Variants in TXNDC16 observed in about 807,000 individuals in gnomAD.
TXNDC16 encodes the protein thioredoxin domain-containing protein 16.
Under a neutral mutation model 85.6 loss-of-function variants are expected in TXNDC16, and 74 were observed. The observed-to-expected ratio is 0.86, with a 90% CI of 0.72 to 1.05. The LOEUF (loss-of-function observed/expected upper bound fraction) is 1.05. Ranked by LOEUF, TXNDC16 falls within the 50% of genes least tolerant of loss-of-function variation. The pLI, the probability that TXNDC16 is intolerant of heterozygous loss-of-function variation, is 0.00. For missense variants in TXNDC16, 959 were observed against 947.0 expected, an observed-to-expected ratio of 1.01 and a Z score of -0.17; for synonymous variants, 335 against 326.5, an observed-to-expected ratio of 1.03 and a Z score of -0.28.
At chr14:52,463,014 G>T in intron 16 of TXNDC16, 1 of 453,906 alleles carries the variant, frequency 2.2e-6, no homozygotes, top group South Asian at 1.6e-5. Flanking sequence ...GAACACAAAA[G>T]TCCCTGCAAA....
intron 6 of TXNDC16, among the ~76,000 whole-genome samples, chr14:52,534,576 A>G (rs2140219555): frequency 6.6e-6 from 1 of 152,178 alleles, no homozygotes; most frequent in Middle Eastern, 3.4e-3. Flanking sequence ...TTCTTCACCA[A>G]GCACTTACCC....
rs2035875841 is a variant in TXNDC16, at chr14:52,470,283, T to C, written c.1482-110A>G. ...CAATATATTACATAGGATAATATCT[T>C]ACAAAATATAGAAAATTAAATATTA... On this transcript the variant is annotated intron_variant, in intron 15 of 20. Coordinates refer to ENST00000281741, the MANE Select transcript of TXNDC16 (RefSeq NM_020784.3). 6 of 934,618 alleles carry C rather than the reference T, an allele frequency of 6.4e-6. No homozygotes were observed. The South Asian group carries it at 1.5e-4, about 23-fold the overall frequency. 57.9% of individuals were successfully genotyped at this position (934,618 alleles called of 1,614,324 possible).
intron 1 of TXNDC16, among the ~76,000 whole-genome samples, chr14:52,544,921 T>G (rs1301381191): frequency 2.0e-5 from 3 of 152,122 alleles, no homozygotes; most frequent in Non-Finnish European, 4.4e-5. Flanking sequence ...TTAAAATTGA[T>G]TATACATTAT....
intron 6 of TXNDC16, among the ~76,000 whole-genome samples, chr14:52,530,120 A>G (rs1310616111): frequency 2.1e-4 from 20 of 93,210 alleles, no homozygotes; most frequent in Non-Finnish European, 3.5e-4. Flanking sequence ...TATTATATAT[A>G]TTTACATATT....
At chr14:52,503,147 G>T (rs865905332) in intron 9 of TXNDC16, among the ~76,000 whole-genome samples, 1 of 152,208 alleles carries the variant, frequency 6.6e-6, no homozygotes, top group Non-Finnish European at 1.5e-5. Context: ...CTCCACCTCT[G>T]GGGGCAGGAC....
intron 4 of TXNDC16, among the ~76,000 whole-genome samples, chr14:52,541,538 T>C (rs571418074): frequency 7.2e-5 from 11 of 152,306 alleles, no homozygotes; most frequent in Non-Finnish European, 1.0e-4. Flanking sequence ...ATTTAAAAAA[T>C]AGATATTTTT....
At chr14:52,518,892 C>A (rs931859958) in intron 7 of TXNDC16, among the ~76,000 whole-genome samples, 1 of 151,986 alleles carries the variant, frequency 6.6e-6, no homozygotes, top group Non-Finnish European at 1.5e-5. Context: ...CAGGTAGGCA[C>A]AATTTATTTT....
intron 1 of TXNDC16, among the ~76,000 whole-genome samples, chr14:52,544,646 C>T (rs758911887): frequency 2.0e-5 from 3 of 151,670 alleles, no homozygotes; most frequent in African/African-American, 7.3e-5. Flanking sequence ...ATTTACTCTG[C>T]TCATTCAATA....
At chr14:52,451,714 T>C (rs776408109) in intron 18 of TXNDC16, among the ~76,000 whole-genome samples, 4 of 152,182 alleles carry the variant, frequency 2.6e-5, no homozygotes, top group East Asian at 1.9e-4. Context: ...CAAAGCCATA[T>C]ATGCCATAGC....
Position 52,468,863 on chromosome 14 carries a change from C to T in TXNDC16, c.1618+1174G>A, listed in dbSNP as rs534207454. On this transcript the variant is annotated intron_variant, in intron 16 of 20. Transcript: ENST00000281741. ...CTGTACTCCAACCTGGGCAATAGGG[C>T]GAGACCCTGTCTCAAAAAAAAAAAC... Among the ~76,000 whole-genome samples the T allele has an allele frequency of 7.3e-5, 11 of 150,230 alleles. No homozygotes were observed. In the South Asian group the frequency reaches 2.1e-3, roughly 29 times the overall value.
chr14:52,488,283 A>C (rs1479841951), intron 12 of TXNDC16, 80 bp downstream of exon 12: 2 of 1,533,166 alleles, frequency 1.3e-6, no homozygotes, highest in African/African-American at 2.8e-5. Context: ...ATTCTTGGAG[A>C]AAGTTAATCC....
At chr14:52,523,341 C>T (rs1199686236) in intron 6 of TXNDC16, among the ~76,000 whole-genome samples, 1 of 152,112 alleles carries the variant, frequency 6.6e-6, no homozygotes, top group Non-Finnish European at 1.5e-5. Flanking sequence ...GAGTGGGTGT[C>T]AGAAAGAAAA....
intron 9 of TXNDC16, among the ~76,000 whole-genome samples, chr14:52,505,821 G>A (rs376807796): frequency 1.6e-4 from 25 of 152,048 alleles, no homozygotes; most frequent in South Asian, 8.3e-4. Context: ...CTGATAGACC[G>A]CTAGCAAGAC....
Position 52,464,865 on chromosome 14 carries a change from G to A in TXNDC16, c.1618+5172C>T, listed in dbSNP as rs112354551. Among the ~76,000 whole-genome samples, 70 of 152,208 alleles carry A rather than the reference G, an allele frequency of 4.6e-4. 1 individual carries two copies. Among genetic ancestry groups the A allele is most frequent in the African/African-American group, 1.6e-3 (66 of 41,530 alleles). On this transcript the variant is annotated intron_variant, in intron 16 of 20. Transcript: ENST00000281741. Reference sequence around the variant, plus strand: ...GAGGCATGAAAACTGCATGAACCTGGGAGGTGGAGGTTGCAGTGAGCCAAC... The same window carrying A: ...GAGGCATGAAAACTGCATGAACCTGAGAGGTGGAGGTTGCAGTGAGCCAAC...
chr14:52,517,230 G>A (rs1483730066), intron 7 of TXNDC16, among the ~76,000 whole-genome samples: 5 of 151,852 alleles, frequency 3.3e-5, no homozygotes, highest in East Asian at 1.9e-4. Flanking sequence ...TCCCTGCCCC[G>A]TTTTTTAGGC....
intron 12 of TXNDC16, among the ~76,000 whole-genome samples, chr14:52,486,214 CA>C (rs1432124153): frequency 2.0e-5 from 3 of 151,242 alleles, no homozygotes; most frequent in African/African-American, 7.3e-5. Flanking sequence ...TACATTTAGT[CA>C]CTCCTCAGCT....
At chr14:52,470,784 C>A in intron 14 of TXNDC16, 104 bp from the exon 15 acceptor site, 1 of 1,032,960 alleles carries the variant, frequency 9.7e-7, no homozygotes, top group Non-Finnish European at 1.4e-6. Context: ...AACCTCTCAG[C>A]ATGAAACACT....
At chr14:52,490,480 T>C (rs763185369) in intron 10 of TXNDC16, 29 bp from the exon 11 acceptor site, 1 of 1,546,686 alleles carries the variant, frequency 6.5e-7, no homozygotes. Flanking sequence ...AAATGTTTTA[T>C]GTTGCTAATC....
At chr14:52,546,637 G>A (rs545003090) in intron 1 of TXNDC16, among the ~76,000 whole-genome samples, 127 of 152,344 alleles carry the variant, frequency 8.3e-4, no homozygotes, top group East Asian at 1.9e-3. Flanking sequence ...CTGTGAGCAT[G>A]AGCATAACAG....
Sources: allele counts gnomAD v4.1 joint callset (sites outside exome capture counted in the v4.1 genomes callset), GRCh38; gene constraint gnomAD v4.1.1; transcripts MANE v1.5; gene names NCBI Gene and HGNC (gene_info 2026-07-23, HGNC 2026-07-21).